The following TMEM132D variants were observed in gnomAD, a reference collection of about 807,000 sequenced individuals.
The protein encoded by TMEM132D is mature OL transmembrane protein.
Under a neutral mutation model 62.3 loss-of-function variants are expected in TMEM132D, and 21 were observed. The observed-to-expected ratio is 0.34, with a 90% CI of 0.24 to 0.49. The LOEUF (loss-of-function observed/expected upper bound fraction) is 0.49. Among genes scored for constraint, TMEM132D ranks in the 20% least tolerant of loss-of-function variants. The pLI, the probability that TMEM132D is intolerant of heterozygous loss-of-function variation, is 0.99. For missense variants in TMEM132D, 1,346 were observed against 1,402.8 expected (o/e 0.96, Z 0.65); for synonymous variants, 621 against 575.6 (o/e 1.08, Z -1.13).
Position 129,209,661 on chromosome 12 carries a change from C to T in TMEM132D, c.1302G>A (p.Glu434=), listed in dbSNP as rs12816732. 959 of 1,614,156 alleles carry T rather than the reference C, an allele frequency of 5.9e-4. 4 individuals carry two copies. The African/African-American group carries it at 0.011, about 19-fold the overall frequency. ...GGATGGCTGTGTTCAGGATTTCTGCCTCCTGGAAGACCAAACACACCCTTC... is the reference window on the plus strand; with the variant it reads ...GGATGGCTGTGTTCAGGATTTCTGCTTCCTGGAAGACCAAACACACCCTTC... The part of the protein sequence containing the change: ...DLIGVVPLAM[E]AEILNTAILT... The change falls in exon 5 of 9, where the codon GAG becomes GAA. Residue 434 remains glutamate (E), a splice_region_variant and synonymous_variant. Coordinates refer to ENST00000422113, the MANE Select transcript of TMEM132D (RefSeq NM_133448.3).
chr12:129,617,094 G>T (rs1034568957), intron 2 of TMEM132D, among the ~76,000 whole-genome samples: 2 of 152,156 alleles, frequency 1.3e-5, no homozygotes, highest in Non-Finnish European at 2.9e-5. Flanking sequence ...AGTTCTGAAA[G>T]CAATTTTTAT....
intron 1 of TMEM132D, among the ~76,000 whole-genome samples, chr12:129,818,479 GGTGTGTGTGT>G (rs1872441864): frequency 6.8e-6 from 1 of 147,810 alleles, no homozygotes. Context: ...TGTGGTTTTG[GGTGTGTGTGT>G]GGTGTGTGTA....
intron 2 of TMEM132D, among the ~76,000 whole-genome samples, chr12:129,664,791 G>T (rs567097444): frequency 6.6e-6 from 1 of 152,104 alleles, no homozygotes; most frequent in South Asian, 2.1e-4. Flanking sequence ...CTTAATTTTG[G>T]TTGGTTCTGA....
At chr12:129,533,002 C>G (rs1876272653) in intron 2 of TMEM132D, among the ~76,000 whole-genome samples, 1 of 152,122 alleles carries the variant, frequency 6.6e-6, no homozygotes, top group African/African-American at 2.4e-5. Flanking sequence ...ATGCTGAGTC[C>G]TGTGAGTTCT....
At chr12:129,184,449 G>T (rs1414350422) in intron 5 of TMEM132D, among the ~76,000 whole-genome samples, 1 of 152,192 alleles carries the variant, frequency 6.6e-6, no homozygotes, top group Non-Finnish European at 1.5e-5. Context: ...TACGGGATGG[G>T]GTTGATTTCT....
intron 3 of TMEM132D, among the ~76,000 whole-genome samples, chr12:129,400,680 C>A (rs1871596453): frequency 6.6e-6 from 1 of 152,130 alleles, no homozygotes; most frequent in South Asian, 2.1e-4. Context: ...TCAACACCAC[C>A]ATTTTCCAAT....
chr12:129,250,463 A>C (rs1245499849), intron 4 of TMEM132D, among the ~76,000 whole-genome samples: 9 of 152,156 alleles, frequency 5.9e-5, no homozygotes, highest in Admixed American at 5.9e-4. Context: ...ACCAGCACTC[A>C]CTTCAATTTC....
chr12:129,267,391 C>T (rs1365259072), intron 4 of TMEM132D, among the ~76,000 whole-genome samples: 2 of 148,318 alleles, frequency 1.3e-5, no homozygotes, highest in South Asian at 4.1e-4. Context: ...ACACCAATAA[C>T]AAACAAACAG....
In TMEM132D at chr12:129,084,596, A is replaced by G. The variant is rs2135619745; in HGVS notation, c.1550T>C (p.Met517Thr). The change falls in exon 6 of 9, where the codon ATG becomes ACG. Residue 517 changes from methionine to threonine, a missense_variant. Met to Thr is a moderately conservative substitution (Grantham distance 81). Coordinates refer to ENST00000422113, the MANE Select transcript of TMEM132D (RefSeq NM_133448.3). ...TYQHLSSPLEMTVWVPRLPLQ... is the reference protein window; with the variant it reads ...TYQHLSSPLETTVWVPRLPLQ... Reference sequence around the variant, plus strand: ...CGGAAGCCGGGGCACCCACACCGTCATCTCCAGGGGGCTGCTCAGGTGCTG... The same window carrying G: ...CGGAAGCCGGGGCACCCACACCGTCGTCTCCAGGGGGCTGCTCAGGTGCTG... 1 of 1,614,088 alleles carries G rather than the reference A, an allele frequency of 6.2e-7. No homozygotes were observed. Among genetic ancestry groups the G allele is most frequent in the Non-Finnish European group, 8.5e-7 (1 of 1,179,990 alleles).
At chr12:129,564,064 T>C (rs1016070176) in intron 2 of TMEM132D, among the ~76,000 whole-genome samples, 3 of 152,128 alleles carry the variant, frequency 2.0e-5, no homozygotes, top group Non-Finnish European at 4.4e-5. Context: ...CGTTTCAGGG[T>C]ATTTTCATTA....
At chr12:129,825,839 G>C (rs1441798939) in intron 1 of TMEM132D, among the ~76,000 whole-genome samples, 1 of 152,138 alleles carries the variant, frequency 6.6e-6, no homozygotes, top group Admixed American at 6.6e-5. Flanking sequence ...TGAGGCAGGA[G>C]GATCACTTGA....
rs1206146579 is a variant in TMEM132D, at chr12:129,188,312, C to T, written c.1443+21208G>A. ...CTCAGGGGGCCCAGTCACCTCTCGA[C>T]ACCTAGCCTGCCAAAGCCACCAACG... On this transcript the variant is annotated intron_variant, in intron 5 of 8. Coordinates refer to ENST00000422113, the MANE Select transcript of TMEM132D (RefSeq NM_133448.3). Among the ~76,000 whole-genome samples the T allele has an allele frequency of 2.6e-5, 4 of 152,294 alleles. No individual in the cohort carries two copies. In the East Asian group the frequency reaches 7.7e-4, roughly 29 times the overall value.
At chr12:129,158,873 T>C (rs2135539811) in intron 5 of TMEM132D, among the ~76,000 whole-genome samples, 1 of 152,278 alleles carries the variant, frequency 6.6e-6, no homozygotes, top group Admixed American at 6.5e-5. Context: ...CTTACAGTCA[T>C]GGCAGAAGGT....
At chr12:129,211,120 C>T (rs1879033240) in intron 4 of TMEM132D, 1 of 152,178 alleles carries the variant, frequency 6.6e-6, no homozygotes, top group Non-Finnish European at 1.5e-5. Context: ...CCAATATAAC[C>T]CCACATCTCT....
At chr12:129,388,168 A>G (rs553619188) in intron 3 of TMEM132D, among the ~76,000 whole-genome samples, 2 of 125,106 alleles carry the variant, frequency 1.6e-5, no homozygotes, top group East Asian at 2.1e-4. Context: ...AAACACTAAT[A>G]GCAACACCAA....
At chr12:129,438,779 G>C (rs1399003471) in intron 3 of TMEM132D, among the ~76,000 whole-genome samples, 1 of 152,186 alleles carries the variant, frequency 6.6e-6, no homozygotes, top group Non-Finnish European at 1.5e-5. Flanking sequence ...ATAGCTCAGT[G>C]ATGAGTAATT....
chr12:129,774,031 G>A (rs1870840679), intron 1 of TMEM132D, among the ~76,000 whole-genome samples: 1 of 152,182 alleles, frequency 6.6e-6, no homozygotes, highest in African/African-American at 2.4e-5. Flanking sequence ...TAAGATGGTG[G>A]TTGTGGAAAC....
chr12:129,854,531 G>A (rs1232390035), intron 1 of TMEM132D: 1 of 152,192 alleles, frequency 6.6e-6, no homozygotes, highest in East Asian at 1.9e-4. Context: ...TCTAAAAATA[G>A]TCTCATGAAA....
In TMEM132D at chr12:129,651,965, C is replaced by T. The variant is rs140409447; in HGVS notation, c.968+47845G>A. Among the ~76,000 whole-genome samples, 755 of 152,216 alleles carry T rather than the reference C, an allele frequency of 5.0e-3. 10 individuals carry two copies. Among genetic ancestry groups the T allele is most frequent in the African/African-American group, 0.016 (680 of 41,536 alleles). ...CAGTTCTGACAACCTACTTAGAAGA[C>T]GCCTAGAAGGTAACCTTTAGTCCCA... On this transcript the variant is annotated intron_variant, in intron 2 of 8. Transcript: ENST00000422113.
Sources: allele counts gnomAD v4.1 joint callset (sites outside exome capture counted in the v4.1 genomes callset), GRCh38; gene constraint gnomAD v4.1.1; transcripts MANE v1.5; gene names NCBI Gene and HGNC (gene_info 2026-07-23, HGNC 2026-07-21).